The following HERC4 variants were observed in gnomAD, a reference collection of about 807,000 sequenced individuals.
HERC4 encodes HECT and RLD domain containing E3 ubiquitin protein ligase 4, also known as probable E3 ubiquitin-protein ligase HERC4.
Under a neutral mutation model 124.3 loss-of-function variants are expected in HERC4, and 28 were observed. The ratio of observed to expected loss-of-function variants is 0.23; its 90% CI spans 0.17 to 0.31. HERC4 has a LOEUF of 0.31. Ranked by LOEUF, HERC4 falls within the 10% of genes least tolerant of loss-of-function variation. HERC4 has a pLI of 1.00. For synonymous variants in HERC4, 407 were observed against 421.5 expected (o/e 0.97, Z 0.42); for missense variants, 713 against 1,229.3 (o/e 0.58, Z 6.28).
intron 15 of HERC4, among the ~76,000 whole-genome samples, chr10:67,969,779 G>A (rs189497953): frequency 1.3e-3 from 196 of 152,218 alleles, no homozygotes; most frequent in South Asian, 4.6e-3. Context: ...AAAATCGGAA[G>A]CAGAGTTTGG....
intron 22 of HERC4, among the ~76,000 whole-genome samples, chr10:67,934,932 A>T (rs1589126715): frequency 6.8e-6 from 1 of 146,324 alleles, no homozygotes; most frequent in African/African-American, 2.5e-5. Context: ...ATTTTCTTTG[A>T]CAGATTTCAT....
At chr10:68,028,893 A>G (rs1451413303) in intron 7 of HERC4, among the ~76,000 whole-genome samples, 2 of 152,174 alleles carry the variant, frequency 1.3e-5, no homozygotes, top group African/African-American at 4.8e-5. Flanking sequence ...TCTAGCAGTA[A>G]GACTACAGAA....
intron 3 of HERC4, among the ~76,000 whole-genome samples, chr10:68,060,772 G>A (rs1395047011): frequency 6.6e-6 from 1 of 151,978 alleles, no homozygotes; most frequent in Non-Finnish European, 1.5e-5. Context: ...AAAATATAAG[G>A]TTCATTCCTA....
chr10:68,058,918 T>C (rs1452013166), intron 3 of HERC4, among the ~76,000 whole-genome samples: 2 of 152,120 alleles, frequency 1.3e-5, no homozygotes, highest in African/African-American at 4.8e-5. Context: ...ATGTATGTTC[T>C]CCATCAATCT....
chr10:68,052,537 A>T (rs1350883143), intron 3 of HERC4, among the ~76,000 whole-genome samples: 3 of 152,070 alleles, frequency 2.0e-5, no homozygotes. Context: ...AAATATCATT[A>T]AAAAAAAGAA....
In HERC4 at chr10:67,966,755, T is replaced by C; in HGVS notation, c.1854A>G (p.Ile618Met). The C allele has an allele frequency of 1.1e-5, 17 of 1,589,760 alleles. No homozygotes were observed. The highest frequency in any genetic ancestry group is 1.5e-5 in the Non-Finnish European group (17 of 1,162,030). The change falls in exon 16 of 25, where the codon ATA (isoleucine) becomes ATG (methionine). Residue 618 changes from isoleucine (I) to methionine (M), a missense_variant. Transcript: ENST00000373700. ...TGTCTATCAATTCTTGTACTTCATG[T>C]ATATAAAATTTATCATACTGTATAA... is the stretch of plus-strand genomic sequence containing the variant. ...GQIIQYDKFYIHEVQELIDIR... is the reference protein window; with the variant it reads ...GQIIQYDKFYMHEVQELIDIR...
intron 5 of HERC4, among the ~76,000 whole-genome samples, chr10:68,036,672 C>T (rs753478593): frequency 6.6e-6 from 1 of 152,128 alleles, no homozygotes; most frequent in Non-Finnish European, 1.5e-5. Context: ...TCAAATACAC[C>T]ACTTTCTTAA....
At chr10:68,031,173 AT>A (rs1282940532) in intron 7 of HERC4, among the ~76,000 whole-genome samples, 3 of 152,210 alleles carry the variant, frequency 2.0e-5, no homozygotes, top group African/African-American at 7.2e-5. Context: ...AATACAAAAG[AT>A]TAAGAGAATT....
At chr10:67,930,093 A>G (rs1470378133) in intron 23 of HERC4, among the ~76,000 whole-genome samples, 2 of 151,986 alleles carry the variant, frequency 1.3e-5, no homozygotes, top group African/African-American at 4.8e-5. Context: ...GGCGTGAGCC[A>G]CCGCGCCCGG....
intron 8 of HERC4, among the ~76,000 whole-genome samples, chr10:68,019,768 C>A (rs947046173): frequency 1.3e-5 from 2 of 152,152 alleles, no homozygotes; most frequent in African/African-American, 2.4e-5. Context: ...CCAGGAGCAG[C>A]CTGTATGCAA....
chr10:67,923,302 T>G (rs573058592), intron 24 of HERC4, among the ~76,000 whole-genome samples, 163 bp from the exon 25 acceptor site: 1 of 152,372 alleles, frequency 6.6e-6, no homozygotes, highest in East Asian at 1.9e-4. Flanking sequence ...AGACACATTC[T>G]AATTGCTCAT....
intron 3 of HERC4, among the ~76,000 whole-genome samples, chr10:68,061,532 CAAAAAAAAAAAAA>C (rs59169970): frequency 3.6e-4 from 5 of 14,000 alleles, no homozygotes; most frequent in African/African-American, 5.2e-4. Context: ...GACTCCGTCT[CAAAAAAAAAAAAA>C]AAAAAAAAAA....
chr10:68,041,444 C>T (rs767890896), intron 4 of HERC4, among the ~76,000 whole-genome samples: 6 of 151,974 alleles, frequency 3.9e-5, no homozygotes, highest in Non-Finnish European at 7.4e-5. Context: ...TTTTCAGATG[C>T]TAAAATTAGG....
At position 67,990,890 on chromosome 10, in the gene HERC4, C is replaced by A; in HGVS notation, c.1443+14G>T. ...AACAGATAATACTGTAAACATAATACTTTAAAAACAGACCTGCTGAGATAT... is the reference window on the plus strand; with the variant it reads ...AACAGATAATACTGTAAACATAATAATTTAAAAACAGACCTGCTGAGATAT... On this transcript the variant is annotated intron_variant, in intron 13 of 24. Transcript: ENST00000373700. The A allele has an allele frequency of 6.6e-7, 1 of 1,518,312 alleles. No individual in the cohort carries two copies. The highest frequency in any genetic ancestry group is 1.2e-5 in the South Asian group (1 of 84,804). 94.1% of individuals were successfully genotyped at this position (1,518,312 alleles called of 1,614,324 possible).
At chr10:68,000,373 T>C (rs1166061740) in intron 9 of HERC4, among the ~76,000 whole-genome samples, 1 of 152,008 alleles carries the variant, frequency 6.6e-6, no homozygotes, top group Non-Finnish European at 1.5e-5. Flanking sequence ...AGCTCAGAAA[T>C]TGGAGAACAC....
At chr10:67,975,137 C>T (rs901493795) in intron 15 of HERC4, among the ~76,000 whole-genome samples, 10 of 151,792 alleles carry the variant, frequency 6.6e-5, no homozygotes, top group South Asian at 2.1e-4. Flanking sequence ...TGTGGTGAGC[C>T]GAGATCGTGC....
At chr10:68,019,806 G>A (rs1418690177) in intron 8 of HERC4, among the ~76,000 whole-genome samples, 1 of 152,140 alleles carries the variant, frequency 6.6e-6, no homozygotes, top group Non-Finnish European at 1.5e-5. Context: ...GGGCAATAAC[G>A]ACTTTGTCTG....
At position 68,033,547 on chromosome 10, in the gene HERC4, T is replaced by C. The variant is rs548129177; in HGVS notation, c.685+418A>G. 3.9e-5 allele frequency among the ~76,000 whole-genome samples: 6 copies of C among 152,340 alleles called. 1 individual carries two copies. In the South Asian group the frequency reaches 1.2e-3, roughly 32 times the overall value. Reference sequence around the variant, plus strand: ...AAAATGTTTAAGACTTTAGCATCAATGTTAAAAGTGAAGCCCAACCAAAGA... The same window carrying C: ...AAAATGTTTAAGACTTTAGCATCAACGTTAAAAGTGAAGCCCAACCAAAGA... On this transcript the variant is annotated intron_variant, in intron 6 of 24. Transcript: ENST00000373700.
chr10:67,934,731 G>T (rs1332882531), intron 22 of HERC4, among the ~76,000 whole-genome samples: 3 of 152,082 alleles, frequency 2.0e-5, no homozygotes, highest in African/African-American at 7.2e-5. Flanking sequence ...AGCTTCCAGT[G>T]TTCCTTGATT....
Sources: allele counts gnomAD v4.1 joint callset (sites outside exome capture counted in the v4.1 genomes callset), GRCh38; gene constraint gnomAD v4.1.1; transcripts MANE v1.5; gene names NCBI Gene and HGNC (gene_info 2026-07-23, HGNC 2026-07-21).